The following FBP2 variants were observed in gnomAD, a reference collection of about 807,000 sequenced individuals.
FBP2 encodes the protein fructose-bisphosphatase 2.
FBP2 carries 27 observed loss-of-function variants against 31.6 expected under a neutral mutation model. That is an observed-to-expected ratio of 0.85 (90% CI 0.63 to 1.18). The LOEUF (loss-of-function observed/expected upper bound fraction) is 1.18, where lower values mean the gene tolerates loss of function less well. FBP2 is among the 50% of genes most tolerant of loss of function. The probability of loss-of-function intolerance (pLI) is 0.00; values close to 1 mark genes in which losing one functional copy is unlikely to be tolerated. For synonymous variants in FBP2, 168 were observed against 179.8 expected (o/e 0.93, Z 0.53); for missense variants, 421 against 436.1 (o/e 0.97, Z 0.31).
intron 6 of FBP2, 86 bp from the exon 7 acceptor site, chr9:94,559,218 T>C: frequency 1.6e-6 from 2 of 1,216,572 alleles, no homozygotes; most frequent in Non-Finnish European, 2.3e-6. Context: ...GAGGAGTTTG[T>C]ACTGCGGTGC....
At chr9:94,580,007 C>T (rs1423394220) in intron 3 of FBP2, among the ~76,000 whole-genome samples, 1 of 152,212 alleles carries the variant, frequency 6.6e-6, no homozygotes, top group East Asian at 1.9e-4. Context: ...TTCCCTGATA[C>T]ACTCACAGTT....
intron 5 of FBP2, 76 bp from the exon 6 acceptor site, chr9:94,563,537 C>A: frequency 6.5e-7 from 1 of 1,546,070 alleles, no homozygotes; most frequent in Non-Finnish European, 8.8e-7. Flanking sequence ...GTCACAAGTC[C>A]AGTTGGTGTG....
In FBP2 at chr9:94,571,558, G is replaced by A; in HGVS notation, c.471C>T (p.Gly157=). ...EPSEKDALQC[G]RNIVAAGYAL... ...CATAACCTGCGGCCACAATATTGCG[G>A]CCACACTGCAGGGCATCCTTTTCAG... The change falls in exon 4 of 7, where the codon GGC becomes GGT. Residue 157 remains glycine (G), a synonymous_variant. Coordinates refer to ENST00000375337, the MANE Select transcript of FBP2 (RefSeq NM_003837.4). The A allele has an allele frequency of 4.3e-6, 7 of 1,613,926 alleles. No individual in the cohort carries two copies. The highest frequency in any genetic ancestry group is 5.9e-6 in the Non-Finnish European group (7 of 1,179,880).
intron 6 of FBP2, 76 bp from the exon 7 acceptor site, chr9:94,559,208 G>T (rs971557153): frequency 5.1e-6 from 7 of 1,366,554 alleles, no homozygotes; most frequent in Non-Finnish European, 7.1e-6. Flanking sequence ...AAAGCTGGGG[G>T]AGGAGTTTGT....
At chr9:94,591,775 T>A (rs1827506296) in intron 1 of FBP2, among the ~76,000 whole-genome samples, 3 of 151,874 alleles carry the variant, frequency 2.0e-5, no homozygotes, top group Admixed American at 6.6e-5. Flanking sequence ...ACCCTAAGAG[T>A]TAGGGATGCT....
chr9:94,578,093 A>C (rs1827334501), intron 3 of FBP2, among the ~76,000 whole-genome samples: 1 of 152,248 alleles, frequency 6.6e-6, no homozygotes, highest in Admixed American at 6.5e-5. Context: ...ATTTGTGTCT[A>C]AGCAAATAAA....
intron 5 of FBP2, among the ~76,000 whole-genome samples, chr9:94,565,368 CAA>C (rs369180827): frequency 6.0e-4 from 28 of 46,558 alleles, no homozygotes; most frequent in Non-Finnish European, 5.6e-4. Flanking sequence ...GACTCCACCT[CAA>C]AAAAAAAAAA....
chr9:94,584,562 A>G lies in FBP2; in HGVS notation c.426+15T>C. ...CCACAGGAAGGAGGTGTAAAATGTC[A>G]GCCTGTCTACTCACCTTTCTATAGA... is the stretch of plus-strand genomic sequence containing the variant. On this transcript the variant is annotated intron_variant, in intron 3 of 6. Coordinates refer to ENST00000375337, the MANE Select transcript of FBP2 (RefSeq NM_003837.4). The G allele has an allele frequency of 1.9e-6, 3 of 1,540,628 alleles. No homozygotes were observed. The highest frequency in any genetic ancestry group is 2.7e-6 in the Non-Finnish European group (3 of 1,112,940).
intron 3 of FBP2, among the ~76,000 whole-genome samples, chr9:94,571,935 ACT>A: frequency 6.6e-6 from 1 of 152,154 alleles, no homozygotes; most frequent in East Asian, 1.9e-4. Flanking sequence ...AACTCAGATC[ACT>A]GAGCTGAGCG....
chr9:94,583,547 T>C (rs1827393809), intron 3 of FBP2, among the ~76,000 whole-genome samples: 1 of 152,204 alleles, frequency 6.6e-6, no homozygotes. Context: ...TCCTAATACA[T>C]AGAAGACTCT....
At chr9:94,572,469 G>A (rs550149750) in intron 3 of FBP2, among the ~76,000 whole-genome samples, 10 of 152,172 alleles carry the variant, frequency 6.6e-5, no homozygotes, top group Middle Eastern at 3.2e-3. Flanking sequence ...TTGTAAACCC[G>A]AATGTTCTTG....
intron 6 of FBP2, among the ~76,000 whole-genome samples, chr9:94,561,846 T>A (rs1827109607): frequency 6.6e-6 from 1 of 152,210 alleles, no homozygotes; most frequent in Non-Finnish European, 1.5e-5. Context: ...GTGGTGGTTA[T>A]GCGCAGCAAA....
intron 6 of FBP2, 110 bp downstream of exon 6, chr9:94,563,232 C>A (rs983293160): frequency 1.6e-6 from 2 of 1,264,876 alleles, no homozygotes; most frequent in African/African-American, 3.0e-5. Flanking sequence ...CTGCCCATCC[C>A]CACACAGACA....
chr9:94,565,544 A>G (rs1037029558), intron 5 of FBP2, among the ~76,000 whole-genome samples: 5 of 152,136 alleles, frequency 3.3e-5, no homozygotes, highest in African/African-American at 9.7e-5. Flanking sequence ...ACATTTAAAT[A>G]CAGAAAGAAT....
intron 4 of FBP2, chr9:94,568,825 T>TA (rs1827231985): frequency 6.6e-6 from 1 of 151,904 alleles, no homozygotes; most frequent in African/African-American, 2.4e-5. Context: ...ATGATTAAGG[T>TA]AACTAGTCAT....
At position 94,584,577 on chromosome 9, in the gene FBP2, C is replaced by T. The variant is rs775209603; in HGVS notation, c.426G>A (p.Lys142=). The stretch of plus-strand genomic sequence containing the variant: ...GTAAAATGTCAGCCTGTCTACTCAC[C>T]TTTCTATAGATGGCAAAGATGGTTC... ...SIGTIFAIYR[K]TSEDEPSEKD... is the part of the protein sequence containing the mutation. The change falls in exon 3 of 7, where the codon AAG becomes AAA. Residue 142 remains lysine, a splice_region_variant and synonymous_variant. Transcript: ENST00000375337. 3 of 1,601,432 alleles carry T rather than the reference C, an allele frequency of 1.9e-6. No individual in the cohort carries two copies. Among genetic ancestry groups the T allele is most frequent in the Non-Finnish European group, 2.6e-6 (3 of 1,168,454 alleles).
intron 3 of FBP2, among the ~76,000 whole-genome samples, chr9:94,581,419 C>G (rs1238604775): frequency 6.6e-6 from 1 of 152,174 alleles, no homozygotes; most frequent in Non-Finnish European, 1.5e-5. Flanking sequence ...GGAAGCTTGC[C>G]TTTTGGCTTT....
At chr9:94,589,323 G>T (rs1472978732) in intron 1 of FBP2, among the ~76,000 whole-genome samples, 2 of 152,104 alleles carry the variant, frequency 1.3e-5, no homozygotes, top group Non-Finnish European at 2.9e-5. Flanking sequence ...AGTGCTCTCT[G>T]CCCGGCTTTC....
intron 1 of FBP2, among the ~76,000 whole-genome samples, chr9:94,589,975 T>C (rs1366830602): frequency 6.6e-6 from 1 of 152,132 alleles, no homozygotes; most frequent in Admixed American, 6.5e-5. Context: ...CACTGGAGGA[T>C]GAACAGCAGG....
Sources: allele counts gnomAD v4.1 joint callset (sites outside exome capture counted in the v4.1 genomes callset), GRCh38; gene constraint gnomAD v4.1.1; transcripts MANE v1.5; gene names NCBI Gene and HGNC (gene_info 2026-07-23, HGNC 2026-07-21).